L3MBTL3: variants seen among roughly 807,000 people sequenced by gnomAD.
L3MBTL3 encodes L3MBTL histone methyl-lysine binding protein 3.
Under a neutral mutation model 102.3 loss-of-function variants are expected in L3MBTL3, and 27 were observed. The observed-to-expected ratio is 0.26, with a 90% CI of 0.19 to 0.36. The LOEUF (loss-of-function observed/expected upper bound fraction) is 0.36. Ranked by LOEUF, L3MBTL3 falls within the 10% of genes least tolerant of loss-of-function variation. L3MBTL3 has a pLI of 1.00. For synonymous variants in L3MBTL3, 340 were observed against 320.9 expected (o/e 1.06, Z -0.64); for missense variants, 798 against 955.3 (o/e 0.84, Z 2.17).
intron 6 of L3MBTL3, among the ~76,000 whole-genome samples, chr6:130,052,154 G>A (rs7752791): frequency 0.043 from 6,481 of 150,978 alleles, 349 homozygotes; most frequent in African/African-American, 0.13. Context: ...TCGCCAGGCT[G>A]GAGTGCAGTG....
chr6:130,126,111 C>G (rs910517490), intron 20 of L3MBTL3, among the ~76,000 whole-genome samples: 1 of 148,134 alleles, frequency 6.8e-6, no homozygotes. Context: ...TTCCCTCCCT[C>G]CCTCCCTCTC....
At chr6:130,032,883 C>T (rs1257960477) in intron 2 of L3MBTL3, among the ~76,000 whole-genome samples, 2 of 152,170 alleles carry the variant, frequency 1.3e-5, no homozygotes, top group Admixed American at 6.5e-5. Context: ...GTGCTGGCTC[C>T]TTGGCAGGCT....
rs942941372 is a variant in L3MBTL3 at position 130,133,680 on chromosome 6, G to A, written c.2136+59G>A. ...ATACAGGATTACTGGCTTAAGAGGT[G>A]TGGAACATTGAGCGTAGGTAGCGTT... On this transcript the variant is annotated intron_variant, in intron 21 of 22. Coordinates refer to ENST00000361794, the MANE Select transcript of L3MBTL3 (RefSeq NM_032438.4). This position sits in a 1 kb window ranked among gnomAD's most constrained non-coding sequence, Gnocchi z 4.9. 1.9e-6 allele frequency: 3 copies of A among 1,589,252 alleles called. No individual in the cohort carries two copies. In the African/African-American group the frequency reaches 4.0e-5, roughly 21 times the overall value.
chr6:130,048,348 C>A (rs1467213741), intron 3 of L3MBTL3, among the ~76,000 whole-genome samples: 1 of 152,120 alleles, frequency 6.6e-6, no homozygotes, highest in Admixed American at 6.6e-5. Flanking sequence ...TAATGTTATT[C>A]TGTTTTATGG....
intron 14 of L3MBTL3, among the ~76,000 whole-genome samples, chr6:130,083,078 T>C (rs1336458112): frequency 1.3e-5 from 2 of 152,192 alleles, no homozygotes; most frequent in African/African-American, 4.8e-5. Context: ...GGAGAAGATA[T>C]TTTTACACAT....
chr6:130,030,606 G>A (rs1330655384), intron 2 of L3MBTL3, among the ~76,000 whole-genome samples: 1 of 144,324 alleles, frequency 6.9e-6, no homozygotes, highest in Admixed American at 7.2e-5. Flanking sequence ...GGCGGAGCTT[G>A]CAGTGAGCCG....
intron 10 of L3MBTL3, among the ~76,000 whole-genome samples, chr6:130,061,100 T>C (rs75193179): frequency 6.7e-6 from 1 of 150,056 alleles, no homozygotes; most frequent in East Asian, 2.0e-4. Context: ...TTTTTTTTTT[T>C]TTGAGATGGA....
rs1781575246 is a variant in L3MBTL3, at chr6:130,057,405, G to C, written c.668-1G>C. 1.9e-6 allele frequency: 3 copies of C among 1,605,118 alleles called. No individual in the cohort carries two copies. The highest frequency in any genetic ancestry group is 2.5e-6 in the Non-Finnish European group (3 of 1,176,546). On this transcript the variant is annotated splice_acceptor_variant, in intron 8 of 22. Transcript: ENST00000361794. LOFTEE classifies it high-confidence loss of function. ...TCATTTCCGTCTTGCTTGCCTTTCA[G>C]GTTTGCCTCCTAAAGGAAAGAAAGC...
rs1266820457 is a variant in L3MBTL3, at chr6:130,067,421, G to T, written c.1001-909G>T. ...AAGCCACCGTGCCCGGCCATATTTAGTAATATCTTATTCCCTTCTATTTCA... is the reference window on the plus strand; with the variant it reads ...AAGCCACCGTGCCCGGCCATATTTATTAATATCTTATTCCCTTCTATTTCA... On this transcript the variant is annotated intron_variant, in intron 11 of 22. Coordinates refer to ENST00000361794, the MANE Select transcript of L3MBTL3 (RefSeq NM_032438.4). Among the ~76,000 whole-genome samples, 3 of 152,134 alleles carry T rather than the reference G, an allele frequency of 2.0e-5. No individual in the cohort carries two copies. The East Asian group carries it at 5.8e-4, about 29-fold the overall frequency.
chr6:130,078,975 A>G (rs1783138349), intron 14 of L3MBTL3, among the ~76,000 whole-genome samples: 1 of 152,236 alleles, frequency 6.6e-6, no homozygotes, highest in Admixed American at 6.5e-5. Context: ...TTCTGTTTTA[A>G]AAGATCTTTC....
chr6:130,060,109 A>G lies in L3MBTL3; in HGVS notation c.833A>G (p.Gln278Arg), dbSNP rs752455571. 3.1e-6 allele frequency: 5 copies of G among 1,612,494 alleles called. No homozygotes were observed. The highest frequency in any genetic ancestry group is 4.5e-5 in the East Asian group (2 of 44,882). Residue 278 changes from glutamine to arginine, a missense_variant, in exon 10 of 23, where the codon CAG becomes CGG. Coordinates refer to ENST00000361794, the MANE Select transcript of L3MBTL3 (RefSeq NM_032438.4). ...TTAGAAGGCGTGGATCCTGAGCATC[A>G]GTCTGTGTACTGTGTCCTCACCGTC... ...MKLEGVDPEH[Q>R]SVYCVLTVAE... is the part of the protein sequence containing the mutation.
intron 10 of L3MBTL3, among the ~76,000 whole-genome samples, chr6:130,060,881 C>CTTT (rs1781849626): frequency 6.6e-6 from 1 of 151,794 alleles, no homozygotes; most frequent in Non-Finnish European, 1.5e-5. Flanking sequence ...AAATTCCTCC[C>CTTT]AAAAGAATAA....
chr6:130,081,682 C>G (rs1422374298), intron 14 of L3MBTL3, among the ~76,000 whole-genome samples: 1 of 151,986 alleles, frequency 6.6e-6, no homozygotes, highest in Non-Finnish European at 1.5e-5. Flanking sequence ...GCCTCAGCCT[C>G]CCAAAATGCT....
chr6:130,090,576 TTTC>T (rs1429189651), intron 16 of L3MBTL3, among the ~76,000 whole-genome samples: 7 of 152,032 alleles, frequency 4.6e-5, no homozygotes, highest in East Asian at 1.9e-4. Context: ...AATTGTCTTT[TTTC>T]TTCTTCTTCT....
At chr6:130,054,203 C>T (rs934720303) in intron 7 of L3MBTL3, among the ~76,000 whole-genome samples, 2 of 151,946 alleles carry the variant, frequency 1.3e-5, no homozygotes, top group Admixed American at 1.3e-4. Flanking sequence ...ATGTTTTGTT[C>T]GAGGAAATAA....
rs1783059540 is a variant in L3MBTL3 at position 130,077,888 on chromosome 6, A to G, written c.1245-670A>G. Among the ~76,000 whole-genome samples the G allele has an allele frequency of 1.3e-5, 2 of 152,150 alleles. 1 individual carries two copies. Among genetic ancestry groups the G allele is most frequent in the South Asian group, 4.1e-4 (2 of 4,828 alleles). On this transcript the variant is annotated intron_variant, in intron 13 of 22. Coordinates refer to ENST00000361794, the MANE Select transcript of L3MBTL3 (RefSeq NM_032438.4). ...GTTCTGCAGAACACTCGGGTTCCAT[A>G]TGATGTTAATAGGCTGAAACATGTT...
At chr6:130,108,259 G>A (rs1414205045) in intron 19 of L3MBTL3, among the ~76,000 whole-genome samples, 1 of 107,690 alleles carries the variant, frequency 9.3e-6, no homozygotes, top group Non-Finnish European at 2.0e-5. Flanking sequence ...TTTTTAGATG[G>A]AGTCTTGCTC....
At chr6:130,051,878 A>G (rs1781119552) in intron 6 of L3MBTL3, among the ~76,000 whole-genome samples, 1 of 152,180 alleles carries the variant, frequency 6.6e-6, no homozygotes, top group South Asian at 2.1e-4. Context: ...GAGTTGGGTC[A>G]CTGATGATCT....
chr6:130,119,907 G>T (rs1786013475), intron 19 of L3MBTL3, among the ~76,000 whole-genome samples: 1 of 152,162 alleles, frequency 6.6e-6, no homozygotes, highest in Admixed American at 6.5e-5. Context: ...GACTCAATTA[G>T]TGCCTTTGTA....
Sources: allele counts gnomAD v4.1 joint callset (sites outside exome capture counted in the v4.1 genomes callset), GRCh38; gene constraint gnomAD v4.1.1; non-coding constraint Gnocchi (gnomAD v3.1); transcripts MANE v1.5; gene names NCBI Gene and HGNC (gene_info 2026-07-23, HGNC 2026-07-21).